Variants in MROH2B observed in about 807,000 individuals in gnomAD.
The protein encoded by MROH2B is maestro heat like repeat family member 2B, also known as maestro heat-like repeat-containing protein family member 2B.
In MROH2B, 177 loss-of-function variants were observed where a neutral mutation model predicts 208.6. The ratio of observed to expected loss-of-function variants is 0.85; its 90% CI spans 0.75 to 0.96. The LOEUF (loss-of-function observed/expected upper bound fraction) is 0.96. Ranked by LOEUF, MROH2B falls within the 40% of genes least tolerant of loss-of-function variation. The probability of loss-of-function intolerance (pLI) is 0.00; values close to 1 mark genes in which losing one functional copy is unlikely to be tolerated. For synonymous variants in MROH2B, 728 were observed against 659.0 expected (o/e 1.10, Z -1.60); for missense variants, 2,002 against 1,878.7 (o/e 1.07, Z -1.21).
intron 17 of MROH2B, among the ~76,000 whole-genome samples, chr5:41,047,357 G>A (rs1743153683): frequency 6.6e-6 from 1 of 152,104 alleles, no homozygotes; most frequent in South Asian, 2.1e-4. Flanking sequence ...TTGTGTTTAG[G>A]GGCATGGAAG....
intron 23 of MROH2B, 84 bp downstream of exon 23, chr5:41,032,957 T>C: frequency 6.3e-7 from 1 of 1,575,374 alleles, no homozygotes; most frequent in Non-Finnish European, 8.6e-7. Flanking sequence ...ACTGGTGAAG[T>C]CTATTCACTT....
At chr5:41,005,048 T>C in intron 35 of MROH2B, 128 bp from the exon 36 acceptor site, 3 of 1,285,890 alleles carry the variant, frequency 2.3e-6, no homozygotes, top group South Asian at 1.6e-5. Flanking sequence ...GAGGAAGCCC[T>C]CTGGTGAACC....
At chr5:41,000,515 G>A (rs148162212) in intron 38 of MROH2B, among the ~76,000 whole-genome samples, 163 bp downstream of exon 38, 1 of 152,246 alleles carries the variant, frequency 6.6e-6, no homozygotes, top group East Asian at 1.9e-4. Context: ...GAGTAAGCTT[G>A]GGAAGAGATA....
At position 41,033,172 on chromosome 5, in the gene MROH2B, G is replaced by A; in HGVS notation, c.2242-12C>T. On this transcript the variant is annotated splice_polypyrimidine_tract_variant and intron_variant, in intron 22 of 41. Coordinates refer to ENST00000399564, the MANE Select transcript of MROH2B (RefSeq NM_173489.5). ...TGCAGATCCATGTCCTAAAGCAAAA[G>A]CATTTACAATGCAAGTCAAGGTCTA... The A allele has an allele frequency of 1.2e-6, 2 of 1,612,044 alleles. No individual in the cohort carries two copies. The highest frequency in any genetic ancestry group is 1.3e-5 in the African/African-American group (1 of 74,942).
chr5:41,056,774 CAAAA>C (rs34263761), intron 9 of MROH2B, among the ~76,000 whole-genome samples: 1 of 114,740 alleles, frequency 8.7e-6, no homozygotes. Context: ...TCTCAAATAC[CAAAA>C]AAAAAAAAAA....
chr5:41,061,748 A>G (rs559740728), intron 5 of MROH2B, 24 bp from the exon 6 acceptor site: 53 of 1,606,192 alleles, frequency 3.3e-5, no homozygotes, highest in Non-Finnish European at 4.3e-5. Context: ...ACACAACCAC[A>G]GACTGAGAAA....
At chr5:41,043,486 A>G (rs1247495587) in intron 18 of MROH2B, among the ~76,000 whole-genome samples, 1 of 152,204 alleles carries the variant, frequency 6.6e-6, no homozygotes, top group East Asian at 1.9e-4. Context: ...AAAATTGGTC[A>G]TGAAGGGAAA....
At chr5:41,010,688 G>A (rs1741746058) in intron 30 of MROH2B, among the ~76,000 whole-genome samples, 2 of 152,176 alleles carry the variant, frequency 1.3e-5, no homozygotes, top group Non-Finnish European at 2.9e-5. Context: ...ATCTTATACT[G>A]GTGGATACAT....
chr5:41,034,008 G>T (rs1164055341), intron 21 of MROH2B, 144 bp from the exon 22 acceptor site: 2 of 1,281,178 alleles, frequency 1.6e-6, no homozygotes. Context: ...CTTGCCAAGG[G>T]GAGGGGGGCA....
intron 17 of MROH2B, among the ~76,000 whole-genome samples, chr5:41,046,474 T>G (rs1397506315): frequency 6.6e-6 from 1 of 151,710 alleles, no homozygotes; most frequent in African/African-American, 2.4e-5. Context: ...CACATTGCAA[T>G]ATATATATTA....
At chr5:41,012,841 C>G in intron 29 of MROH2B, 106 bp from the exon 30 acceptor site, 1 of 1,395,806 alleles carries the variant, frequency 7.2e-7, no homozygotes, top group Non-Finnish European at 9.7e-7. Flanking sequence ...AACCACTGAA[C>G]TTTTCAACAG....
At chr5:41,056,326 G>T (rs1743447888) in intron 9 of MROH2B, among the ~76,000 whole-genome samples, 1 of 152,092 alleles carries the variant, frequency 6.6e-6, no homozygotes, top group African/African-American at 2.4e-5. Context: ...GTTTATTCTA[G>T]AAAGCATCAG....
In MROH2B at chr5:41,053,552, C is replaced by T. The variant is rs544802807; in HGVS notation, c.1108-965G>A. Among the ~76,000 whole-genome samples, 179 of 151,906 alleles carry T rather than the reference C, an allele frequency of 1.2e-3. 1 individual carries two copies. The highest frequency in any genetic ancestry group is 4.0e-3 in the African/African-American group (166 of 41,412). Reference sequence around the variant, plus strand: ...AGTGAACAGGTCTTTGAAAAGAGAGCGGGAAGAAAAAAACCATTTTGAACA... The same window carrying T: ...AGTGAACAGGTCTTTGAAAAGAGAGTGGGAAGAAAAAAACCATTTTGAACA... On this transcript the variant is annotated intron_variant, in intron 11 of 41. Coordinates refer to ENST00000399564, the MANE Select transcript of MROH2B (RefSeq NM_173489.5).
chr5:41,052,584 T>G lies in MROH2B; in HGVS notation c.1111A>C (p.Arg371=), dbSNP rs1743319375. Residue 371 remains arginine (R), a synonymous_variant, in exon 12 of 42, where the codon AGA becomes CGA. Transcript: ENST00000399564. ...IVMGDLSTKV[R]NSVLLLIQTM... is the part of the protein sequence containing the mutation. ...TGGATGAGGAGAAGAACAGAATTTC[T>G]TACCTAGGGTAAGAACAATGCAATA... 1 of 1,610,348 alleles carries G rather than the reference T, an allele frequency of 6.2e-7. No individual in the cohort carries two copies. The highest frequency in any genetic ancestry group is 1.7e-5 in the Admixed American group (1 of 59,674).
chr5:41,041,429 C>A (rs1742943830), intron 19 of MROH2B, among the ~76,000 whole-genome samples: 1 of 152,074 alleles, frequency 6.6e-6, no homozygotes, highest in African/African-American at 2.4e-5. Context: ...GAGTTCGAGA[C>A]CAGCCTGGCC....
In MROH2B at chr5:41,000,261, G is replaced by C; in HGVS notation, c.4441C>G (p.Pro1481Ala). The C allele has an allele frequency of 6.2e-7, 1 of 1,613,892 alleles. No individual in the cohort carries two copies. The highest frequency in any genetic ancestry group is 8.5e-7 in the Non-Finnish European group (1 of 1,179,820). ...VLDRLLDQDL[P>A]RARDFYRQFC... is the part of the protein sequence containing the mutation. ...TGCCTGTAGAAATCCCTGGCCCTTG[G>C]TAGATCCTGATCAAGGAGACGGTCT... is the stretch of plus-strand genomic sequence containing the variant. Residue 1481 changes from proline (P) to alanine (A), a missense_variant, in exon 39 of 42, where the codon CCA becomes GCA. Transcript: ENST00000399564.
intron 29 of MROH2B, among the ~76,000 whole-genome samples, chr5:41,014,064 G>C (rs1049851352): frequency 2.6e-5 from 4 of 152,126 alleles, no homozygotes; most frequent in African/African-American, 9.7e-5. Context: ...GCCTAGAAGA[G>C]GCATTTGCAC....
At chr5:41,043,672 C>T (rs1267589785) in intron 18 of MROH2B, among the ~76,000 whole-genome samples, 1 of 152,190 alleles carries the variant, frequency 6.6e-6, no homozygotes, top group African/African-American at 2.4e-5. Flanking sequence ...AAAATAGCAA[C>T]TTTTCCATCC....
In MROH2B at chr5:41,049,382, G is replaced by C. The variant is rs1371813390; in HGVS notation, c.1399C>G (p.Leu467Val). ...FVVPAEYTEALEPLFSIIRIL... is the reference protein window; with the variant it reads ...FVVPAEYTEAVEPLFSIIRIL... Reference sequence around the variant, plus strand: ...CTGATGATACTAAACAGGGGCTCCAGAGCTTCTGTGTATTCTGCAGGTACC... The same window carrying C: ...CTGATGATACTAAACAGGGGCTCCACAGCTTCTGTGTATTCTGCAGGTACC... Residue 467 changes from leucine (L) to valine (V), a missense_variant, in exon 14 of 42, where the codon CTG becomes GTG. Leu to Val is a conservative substitution (Grantham distance 32, BLOSUM62 1). Coordinates refer to ENST00000399564, the MANE Select transcript of MROH2B (RefSeq NM_173489.5). 1 of 1,613,636 alleles carries C rather than the reference G, an allele frequency of 6.2e-7. No individual in the cohort carries two copies. Among genetic ancestry groups the C allele is most frequent in the Non-Finnish European group, 8.5e-7 (1 of 1,179,776 alleles).
Sources: allele counts gnomAD v4.1 joint callset (sites outside exome capture counted in the v4.1 genomes callset), GRCh38; gene constraint gnomAD v4.1.1; transcripts MANE v1.5; gene names NCBI Gene and HGNC (gene_info 2026-07-23, HGNC 2026-07-21).